Variants in SGPP2 observed in about 807,000 individuals in gnomAD.
SGPP2 encodes the protein sphingosine-1-phosphate phosphatase 2, also known as sphingosine 1-phosphate phosphohydrolase 2.
SGPP2 carries 30 observed loss-of-function variants against 33.9 expected under a neutral mutation model. That is an observed-to-expected ratio of 0.89 (90% CI 0.66 to 1.20). The LOEUF (loss-of-function observed/expected upper bound fraction) is 1.20. Among genes scored for constraint, SGPP2 ranks in the 50% most tolerant of loss-of-function variants. The pLI is 0.00. For missense variants in SGPP2, 458 were observed against 532.1 expected (o/e 0.86, Z 1.37); for synonymous variants, 233 against 225.0 (o/e 1.04, Z -0.32).
intron 1 of SGPP2, among the ~76,000 whole-genome samples, chr2:222,430,622 C>G (rs4567924): frequency 0.77 from 116,647 of 151,994 alleles, 44,899 homozygotes; most frequent in Middle Eastern, 0.88. Flanking sequence ...GCCAGCCTCC[C>G]TATTTCTTAA....
intron 1 of SGPP2, among the ~76,000 whole-genome samples, chr2:222,459,142 C>CTTTCTTTTTT (rs1414316448): frequency 4.8e-3 from 449 of 94,522 alleles, no homozygotes; most frequent in Non-Finnish European, 7.6e-3. Context: ...TTCTTTCTTT[C>CTTTCTTTTTT]TTTTTTTTTT....
intron 1 of SGPP2, among the ~76,000 whole-genome samples, chr2:222,461,621 G>A (rs535903649): frequency 1.3e-3 from 199 of 152,066 alleles, no homozygotes; most frequent in African/African-American, 4.6e-3. Flanking sequence ...TAAGGGTGAT[G>A]GGAGACAGTG....
At chr2:222,535,768 C>A (rs1207682693) in intron 4 of SGPP2, among the ~76,000 whole-genome samples, 1 of 152,250 alleles carries the variant, frequency 6.6e-6, no homozygotes, top group Non-Finnish European at 1.5e-5. Context: ...ATTAGCCTGA[C>A]TGGGAGGGGA....
intron 2 of SGPP2, among the ~76,000 whole-genome samples, chr2:222,505,402 A>G (rs1698430031): frequency 6.6e-6 from 1 of 152,248 alleles, no homozygotes; most frequent in African/African-American, 2.4e-5. Context: ...TTGATCTTTA[A>G]ACAACATGGG....
intron 1 of SGPP2, among the ~76,000 whole-genome samples, chr2:222,430,493 G>GA (rs1238193150): frequency 6.6e-6 from 1 of 151,386 alleles, no homozygotes; most frequent in Non-Finnish European, 1.5e-5. Context: ...CTTCTTTTTT[G>GA]AAAAAAATAG....
chr2:222,551,228 C>G (rs946064099), intron 4 of SGPP2, among the ~76,000 whole-genome samples: 10 of 152,086 alleles, frequency 6.6e-5, no homozygotes, highest in African/African-American at 2.4e-4. Flanking sequence ...TATTTTTTCC[C>G]CTCTGTTACA....
chr2:222,447,388 G>GA (rs1490503309), intron 1 of SGPP2, among the ~76,000 whole-genome samples: 2 of 152,132 alleles, frequency 1.3e-5, no homozygotes, highest in Admixed American at 1.3e-4. Context: ...CTGAGTTTGA[G>GA]TTCTGCTAAC....
chr2:222,490,568 T>C (rs1371649236), intron 2 of SGPP2, among the ~76,000 whole-genome samples: 2 of 151,878 alleles, frequency 1.3e-5, no homozygotes, highest in African/African-American at 2.4e-5. Context: ...CTACCAAGTA[T>C]CTGGGACCAC....
At chr2:222,488,534 A>T (rs1242751675) in intron 2 of SGPP2, among the ~76,000 whole-genome samples, 1 of 152,188 alleles carries the variant, frequency 6.6e-6, no homozygotes, top group African/African-American at 2.4e-5. Context: ...ATTGTCTTCC[A>T]TAAAACTGAT....
Position 222,476,949 on chromosome 2 carries a change from ATG to A in SGPP2, c.378+2225_378+2226del, listed in dbSNP as rs1399328911. On this transcript the variant is annotated intron_variant, in intron 2 of 4. Coordinates refer to ENST00000321276, the MANE Select transcript of SGPP2 (RefSeq NM_152386.4). The surrounding 1 kb of genome is among the most constrained non-coding windows in gnomAD (Gnocchi z 4.3). ...TATTGGAGTATATAGGTGTGTATGTATGTATGTATAGTGTGTATATGTGTATA... is the reference window on the plus strand; with the variant it reads ...TATTGGAGTATATAGGTGTGTATGTATATGTATAGTGTGTATATGTGTATA... 6.6e-6 allele frequency among the ~76,000 whole-genome samples: 1 copy of A among 151,256 alleles called. No individual in the cohort carries two copies. The highest frequency in any genetic ancestry group is 2.4e-5 in the African/African-American group (1 of 41,062).
intron 4 of SGPP2, among the ~76,000 whole-genome samples, chr2:222,527,593 C>G (rs60210567): frequency 0.073 from 11,169 of 152,214 alleles, 1,347 homozygotes; most frequent in African/African-American, 0.25. Flanking sequence ...GCACCGCCCC[C>G]TTTTGGGAGC....
chr2:222,467,965 A>AC (rs1559152124), intron 1 of SGPP2, among the ~76,000 whole-genome samples: 1 of 121,042 alleles, frequency 8.3e-6, no homozygotes, highest in African/African-American at 5.0e-5. Flanking sequence ...AAAAAAAAAA[A>AC]AAAAAAAAAA....
intron 1 of SGPP2, among the ~76,000 whole-genome samples, chr2:222,441,162 G>A (rs1385728889): frequency 2.0e-5 from 3 of 152,208 alleles, no homozygotes; most frequent in Admixed American, 1.3e-4. Context: ...TCTCAATGGT[G>A]AGGCCCAGGG....
rs140345645 is a variant in SGPP2 at position 222,540,621 on chromosome 2, GTGGATTGCAA to G, written c.648+15594_648+15603del. ...GGGAACGGTGCGCAGTAAATGTCAA[GTGGATTGCAA>G]TGGATATTATCTGTCATCTGTCAAT... On this transcript the variant is annotated intron_variant, in intron 4 of 4. Transcript: ENST00000321276. Among the ~76,000 whole-genome samples, 1,151 of 152,256 alleles carry G rather than the reference GTGGATTGCAA, an allele frequency of 7.6e-3. 12 individuals carry two copies. The highest frequency in any genetic ancestry group is 0.027 in the African/African-American group (1,105 of 41,526).
intron 2 of SGPP2, among the ~76,000 whole-genome samples, chr2:222,485,067 A>G (rs1698084276): frequency 6.6e-6 from 1 of 152,180 alleles, no homozygotes; most frequent in East Asian, 1.9e-4. Flanking sequence ...CAAAGAGATG[A>G]AGTGGCTTGC....
intron 2 of SGPP2, among the ~76,000 whole-genome samples, chr2:222,496,737 T>G (rs1698286885): frequency 1.3e-5 from 2 of 152,226 alleles, no homozygotes; most frequent in Admixed American, 6.5e-5. Flanking sequence ...CCTTTTCTGG[T>G]GTTCCTCTGC....
At chr2:222,435,149 T>C (rs980946023) in intron 1 of SGPP2, among the ~76,000 whole-genome samples, 7 of 151,974 alleles carry the variant, frequency 4.6e-5, no homozygotes, top group African/African-American at 1.7e-4. Context: ...ATAGGCCTTC[T>C]GCAGGCTGAG....
At chr2:222,456,803 T>C (rs952100467) in intron 1 of SGPP2, among the ~76,000 whole-genome samples, 1 of 152,196 alleles carries the variant, frequency 6.6e-6, no homozygotes, top group Non-Finnish European at 1.5e-5. Flanking sequence ...TCACAGCGAA[T>C]AAAAATAATT....
chr2:222,456,900 A>T (rs1383677723), intron 1 of SGPP2, among the ~76,000 whole-genome samples: 1 of 152,202 alleles, frequency 6.6e-6, no homozygotes, highest in Admixed American at 6.5e-5. Context: ...TAGTAACAAA[A>T]TCACCCTTTC....
Sources: gnomAD v4.1 joint callset for allele counts (sites outside exome capture counted in the v4.1 genomes callset) on GRCh38, gnomAD v4.1.1 for gene constraint, Gnocchi (gnomAD v3.1) non-coding constraint, MANE v1.5 for transcripts, NCBI Gene and HGNC (gene_info 2026-07-23, HGNC 2026-07-21) for gene names.